The following MCTP1 variants were observed in gnomAD, a reference collection of about 807,000 sequenced individuals.
The protein encoded by MCTP1 is multiple C2 and transmembrane domain containing 1.
A neutral mutation model predicts 120.6 loss-of-function variants in MCTP1; 69 were observed. The ratio of observed to expected loss-of-function variants is 0.57; its 90% CI spans 0.47 to 0.70. MCTP1 has a LOEUF of 0.70. Among genes scored for constraint, MCTP1 ranks in the 30% least tolerant of loss-of-function variants. The probability of loss-of-function intolerance (pLI) is 0.00; values close to 1 mark genes in which losing one functional copy is unlikely to be tolerated. For synonymous variants in MCTP1, 529 were observed against 493.1 expected (o/e 1.07, Z -0.96); for missense variants, 1,203 against 1,248.8 (o/e 0.96, Z 0.55).
chr5:94,939,131 A>C (rs1435538882), intron 5 of MCTP1, among the ~76,000 whole-genome samples: 1 of 151,608 alleles, frequency 6.6e-6, no homozygotes, highest in African/African-American at 2.4e-5. Context: ...ACTTCTTGAA[A>C]GGGTGAATTT....
intron 1 of MCTP1, among the ~76,000 whole-genome samples, chr5:95,173,029 T>C (rs146829646): frequency 6.6e-6 from 1 of 152,360 alleles, no homozygotes; most frequent in East Asian, 1.9e-4. Flanking sequence ...GATGTTTTTT[T>C]GTATAGTCTG....
chr5:95,225,188 G>A (rs1394218652), intron 1 of MCTP1, among the ~76,000 whole-genome samples: 1 of 151,998 alleles, frequency 6.6e-6, no homozygotes, highest in Non-Finnish European at 1.5e-5. Context: ...GTTTCCTCTG[G>A]ATTCTCCATG....
intron 1 of MCTP1, among the ~76,000 whole-genome samples, chr5:95,067,560 A>G (rs1487958197): frequency 6.6e-6 from 1 of 152,146 alleles, no homozygotes; most frequent in Non-Finnish European, 1.5e-5. Flanking sequence ...CAATTTCTAA[A>G]CAGAAATAAA....
chr5:94,934,652 A>G (rs1426452362), intron 5 of MCTP1, among the ~76,000 whole-genome samples: 1 of 151,812 alleles, frequency 6.6e-6, no homozygotes, highest in African/African-American at 2.4e-5. Flanking sequence ...GCATACATAT[A>G]TCAACTTTTT....
At chr5:95,076,103 A>C (rs1753494308) in intron 1 of MCTP1, among the ~76,000 whole-genome samples, 1 of 152,196 alleles carries the variant, frequency 6.6e-6, no homozygotes, top group Non-Finnish European at 1.5e-5. Context: ...TACCTATGAT[A>C]AAGTTTAACT....
At chr5:94,737,341 C>T (rs1764518953) in intron 19 of MCTP1, among the ~76,000 whole-genome samples, 1 of 152,110 alleles carries the variant, frequency 6.6e-6, no homozygotes, top group African/African-American at 2.4e-5. Flanking sequence ...GGGCACACAT[C>T]TAAGTAGAAG....
At chr5:94,849,619 A>C (rs1250597283) in intron 17 of MCTP1, among the ~76,000 whole-genome samples, 1 of 152,130 alleles carries the variant, frequency 6.6e-6, no homozygotes, top group Non-Finnish European at 1.5e-5. Context: ...GATGGGGTTA[A>C]AGGAAAGAAT....
intron 1 of MCTP1, among the ~76,000 whole-genome samples, chr5:95,177,184 C>G (rs1748095257): frequency 6.6e-6 from 1 of 151,172 alleles, no homozygotes; most frequent in Non-Finnish European, 1.5e-5. Context: ...TTTACATGTA[C>G]CCACATACAC....
chr5:94,820,931 C>T (rs1243545216), intron 17 of MCTP1, among the ~76,000 whole-genome samples: 1 of 152,168 alleles, frequency 6.6e-6, no homozygotes, highest in Non-Finnish European at 1.5e-5. Context: ...GCTTTTCATA[C>T]TTGAGTAATA....
At chr5:95,269,344 A>G (rs1031033546) in intron 1 of MCTP1, among the ~76,000 whole-genome samples, 2 of 152,260 alleles carry the variant, frequency 1.3e-5, no homozygotes, top group Admixed American at 1.3e-4. Context: ...TCCAAAGATC[A>G]TAACTCCTAG....
In MCTP1 at chr5:94,940,125, A is replaced by C. The variant is rs1212617445; in HGVS notation, c.1132T>G (p.Ser378Ala). 6 of 1,610,096 alleles carry C rather than the reference A, an allele frequency of 3.7e-6. No homozygotes were observed. Among genetic ancestry groups the C allele is most frequent in the Non-Finnish European group, 5.1e-6 (6 of 1,177,282 alleles). Residue 378 changes from serine to alanine, a missense_variant, in exon 5 of 23, where the codon TCA becomes GCA. By Grantham distance (99) the Ser-to-Ala change is moderately conservative (BLOSUM62 1). Coordinates refer to ENST00000515393, the MANE Select transcript of MCTP1 (RefSeq NM_024717.7). ...CCTTCTTTAGGGGTAAGGATGACTG[A>C]GAGCAAAATGATTCCAAGATCATGG... ...PDHDLGIILL[S>A]VILTPKEGES...
Position 95,116,015 on chromosome 5 carries a change from C to G in MCTP1, c.721-98531G>C, listed in dbSNP as rs556955034. ...TAAAGGAAAAAAAAAAACTTTTACT[C>G]CAGAAGAATATGTCTAGAGTAAAAA... is the stretch of plus-strand genomic sequence containing the variant. On this transcript the variant is annotated intron_variant, in intron 1 of 22. Coordinates refer to ENST00000515393, the MANE Select transcript of MCTP1 (RefSeq NM_024717.7). 2.0e-4 allele frequency among the ~76,000 whole-genome samples: 30 copies of G among 151,932 alleles called. 1 individual carries two copies. In the South Asian group the frequency reaches 5.8e-3, roughly 30 times the overall value.
intron 1 of MCTP1, among the ~76,000 whole-genome samples, chr5:95,236,552 G>A (rs1755564537): frequency 6.6e-6 from 1 of 152,180 alleles, no homozygotes; most frequent in African/African-American, 2.4e-5. Flanking sequence ...GAGGTCAATT[G>A]TGATTGGTCC....
intron 1 of MCTP1, among the ~76,000 whole-genome samples, chr5:95,185,588 G>A (rs1749116610): frequency 6.6e-6 from 1 of 152,222 alleles, no homozygotes. Context: ...TTGGAGACCA[G>A]CCTGACCAAC....
chr5:94,759,283 AAG>A (rs1739030018), intron 19 of MCTP1, among the ~76,000 whole-genome samples: 3 of 152,224 alleles, frequency 2.0e-5, no homozygotes, highest in African/African-American at 7.2e-5. Flanking sequence ...TGTAAACACT[AAG>A]AGATTCTGAT....
intron 10 of MCTP1, among the ~76,000 whole-genome samples, chr5:94,897,607 C>T (rs1212723440): frequency 3.9e-5 from 6 of 152,162 alleles, no homozygotes; most frequent in African/African-American, 1.2e-4. Context: ...TCAAATGATC[C>T]GCCCACCTTG....
At chr5:95,254,879 A>G (rs1376793622) in intron 1 of MCTP1, among the ~76,000 whole-genome samples, 5 of 152,192 alleles carry the variant, frequency 3.3e-5, no homozygotes, top group African/African-American at 1.2e-4. Context: ...TACAAATTCT[A>G]TTGATATCAC....
intron 16 of MCTP1, 103 bp downstream of exon 16, chr5:94,870,314 G>C (rs1797595144): frequency 1.5e-6 from 1 of 676,586 alleles, no homozygotes; most frequent in Admixed American, 2.8e-5. Flanking sequence ...AAAAATTCCA[G>C]TCTTCCCCCC....
At chr5:95,084,490 T>C (rs1457066412) in intron 1 of MCTP1, among the ~76,000 whole-genome samples, 2 of 150,772 alleles carry the variant, frequency 1.3e-5, no homozygotes, top group African/African-American at 4.9e-5. Flanking sequence ...GGAAGCTGCA[T>C]TAGAATCTCC....
Sources: gnomAD v4.1 joint callset for allele counts (sites outside exome capture counted in the v4.1 genomes callset) on GRCh38, gnomAD v4.1.1 for gene constraint, MANE v1.5 for transcripts, NCBI Gene and HGNC (gene_info 2026-07-23, HGNC 2026-07-21) for gene names.